Variants in TLE4 observed in about 807,000 individuals in gnomAD.
TLE4 encodes the protein TLE family member 4, transcriptional corepressor.
A neutral mutation model predicts 92.8 loss-of-function variants in TLE4; 8 were observed. The observed-to-expected ratio is 0.09, with a 90% CI of 0.05 to 0.16. The LOEUF is 0.16. Among genes scored for constraint, TLE4 ranks in the 10% least tolerant of loss-of-function variants. The pLI, the probability that TLE4 is intolerant of heterozygous loss-of-function variation, is 1.00. For missense variants in TLE4, 675 were observed against 997.6 expected (o/e 0.68, Z 4.36); for synonymous variants, 371 against 374.1 (o/e 0.99, Z 0.10).
rs184667141 is a variant in TLE4, at chr9:79,706,646, A to T, written c.784-101A>T. ...CTGTTCTAGCACATTTGTGCTTCTA[A>T]GCATGCATTAAATGCTTTTGGCTAG... On this transcript the variant is annotated intron_variant, in intron 10 of 19. Transcript: ENST00000376552. 1,190 of 1,416,730 alleles carry T rather than the reference A, an allele frequency of 8.4e-4. 12 individuals carry two copies. The African/African-American group carries it at 0.016, about 18-fold the overall frequency. The allele number at this position is 1,416,730 out of a possible 1,614,324, so 87.8% of individuals were successfully genotyped here. A position where few individuals can be genotyped will look rare whatever the true frequency, so the allele number is the denominator to read the frequency against.
chr9:79,708,974 A>G (rs988227070), intron 13 of TLE4, among the ~76,000 whole-genome samples, 188 bp downstream of exon 13: 1 of 152,120 alleles, frequency 6.6e-6, no homozygotes, highest in Non-Finnish European at 1.5e-5. Flanking sequence ...TCGAAAAAAC[A>G]GCATGCGCCA....
chr9:79,680,669 T>C (rs1221920007), intron 8 of TLE4, among the ~76,000 whole-genome samples: 1 of 152,182 alleles, frequency 6.6e-6, no homozygotes, highest in African/African-American at 2.4e-5. Flanking sequence ...CTATGTTGAC[T>C]AGGAGTGGTG....
rs2072696343 is a variant in TLE4 at position 79,709,609 on chromosome 9, G to C, written c.1264-14G>C. 1 of 1,612,718 alleles carries C rather than the reference G, an allele frequency of 6.2e-7. No homozygotes were observed. The highest frequency in any genetic ancestry group is 8.5e-7 in the Non-Finnish European group (1 of 1,179,324). On this transcript the variant is annotated splice_polypyrimidine_tract_variant and intron_variant, in intron 13 of 19. Coordinates refer to ENST00000376552, the MANE Select transcript of TLE4 (RefSeq NM_007005.6). ...CTGTGCTTATTTCTGTTGTTTGCTT[G>C]GGAAAAATTCTAGGTGGGATTTGAT...
At chr9:79,655,339 G>T (rs1447832275) in intron 8 of TLE4, among the ~76,000 whole-genome samples, 1 of 152,122 alleles carries the variant, frequency 6.6e-6, no homozygotes, top group African/African-American at 2.4e-5. Flanking sequence ...GTTATATCTT[G>T]CAGTTTTTAA....
At chr9:79,679,127 G>T (rs2063888007) in intron 8 of TLE4, among the ~76,000 whole-genome samples, 2 of 151,936 alleles carry the variant, frequency 1.3e-5, no homozygotes, top group Non-Finnish European at 2.9e-5. Context: ...AGTCCTTTGG[G>T]TATATACCCA....
At chr9:79,573,122 A>T in intron 1 of TLE4, 1 of 620,600 alleles carries the variant, frequency 1.6e-6, no homozygotes, top group Non-Finnish European at 2.2e-6. Flanking sequence ...CGACTCCTCG[A>T]GGGGGGGTGG....
intron 6 of TLE4, among the ~76,000 whole-genome samples, chr9:79,644,031 A>G (rs993750738): frequency 2.0e-5 from 3 of 152,100 alleles, no homozygotes; most frequent in African/African-American, 7.2e-5. Flanking sequence ...ACTGTGTGAT[A>G]TGGTTTGGCT....
intron 8 of TLE4, among the ~76,000 whole-genome samples, chr9:79,658,819 A>T (rs2060120195): frequency 6.6e-6 from 1 of 152,246 alleles, no homozygotes; most frequent in Admixed American, 6.5e-5. Context: ...AGGTAGATTA[A>T]AAAGGGGAAA....
At chr9:79,681,250 A>C (rs920468989) in intron 8 of TLE4, among the ~76,000 whole-genome samples, 1 of 152,196 alleles carries the variant, frequency 6.6e-6, no homozygotes, top group Non-Finnish European at 1.5e-5. Flanking sequence ...GAAATTATGT[A>C]CTGATGAAGT....
intron 4 of TLE4, among the ~76,000 whole-genome samples, chr9:79,579,634 TTA>T (rs2039048072): frequency 6.6e-6 from 1 of 152,222 alleles, no homozygotes; most frequent in African/African-American, 2.4e-5. Flanking sequence ...TATGTATGTT[TTA>T]TGTGTGTATT....
rs538343343 is a variant in TLE4 at position 79,707,154 on chromosome 9, G to A, written c.936+255G>A. 244 of 1,612,956 alleles carry A rather than the reference G, an allele frequency of 1.5e-4. 3 individuals carry two copies. The South Asian group carries it at 2.2e-3, about 15-fold the overall frequency. ...GATATGGGGAAATTGAGTGAAACAC[G>A]TCTTAGCGAAGATGAACAATGCACA... On this transcript the variant is annotated intron_variant, in intron 11 of 19. Coordinates refer to ENST00000376552, the MANE Select transcript of TLE4 (RefSeq NM_007005.6).
rs2075802514 is a variant in TLE4, at chr9:79,722,467, A to G, written c.2003A>G (p.Tyr668Cys). The change falls in exon 18 of 20, where the codon TAC becomes TGC. Residue 668 changes from tyrosine (Y) to cysteine (C), a missense_variant. This residue lies in a region of TLE4 where 170 missense variants were observed against 359.6 expected (regional missense o/e 0.47). Coordinates refer to ENST00000376552, the MANE Select transcript of TLE4 (RefSeq NM_007005.6). ...DFTSQIFSLG[Y>C]CPTGEWLAVG... is the part of the protein sequence containing the mutation. ...TAATTCTAGATCTTTTCTCTGGGCTACTGCCCAACTGGAGAGTGGCTTGCA... is the reference window on the plus strand; with the variant it reads ...TAATTCTAGATCTTTTCTCTGGGCTGCTGCCCAACTGGAGAGTGGCTTGCA... 1 of 1,614,026 alleles carries G rather than the reference A, an allele frequency of 6.2e-7. No individual in the cohort carries two copies. The highest frequency in any genetic ancestry group is 8.5e-7 in the Non-Finnish European group (1 of 1,180,030).
chr9:79,654,798 G>A (rs957973018), intron 8 of TLE4, among the ~76,000 whole-genome samples: 1 of 152,158 alleles, frequency 6.6e-6, no homozygotes, highest in Non-Finnish European at 1.5e-5. Flanking sequence ...GGCAGGAAAT[G>A]AGTAAGGCAT....
At chr9:79,674,340 AG>A (rs1323128345) in intron 8 of TLE4, among the ~76,000 whole-genome samples, 5 of 152,008 alleles carry the variant, frequency 3.3e-5, no homozygotes, top group Non-Finnish European at 7.4e-5. Flanking sequence ...AGTGAGACTA[AG>A]TAAGTTGCCT....
At chr9:79,618,042 C>G (rs564968834) in intron 5 of TLE4, among the ~76,000 whole-genome samples, 10 of 152,272 alleles carry the variant, frequency 6.6e-5, no homozygotes, top group Admixed American at 3.3e-4. Flanking sequence ...TAAGGTTGCC[C>G]TCTTTGCAGT....
chr9:79,667,088 A>G (rs2061519511), intron 8 of TLE4, among the ~76,000 whole-genome samples: 1 of 152,220 alleles, frequency 6.6e-6, no homozygotes, highest in Admixed American at 6.5e-5. Context: ...GAACCCCTAC[A>G]GCTGCGCCCA....
chr9:79,574,984 C>A, intron 3 of TLE4, 48 bp downstream of exon 3: 1 of 1,528,732 alleles, frequency 6.5e-7, no homozygotes, highest in Non-Finnish European at 9.1e-7. Flanking sequence ...GTTTGGAATA[C>A]CAAAAACAAG....
chr9:79,612,038 G>T (rs2048492994), intron 4 of TLE4, among the ~76,000 whole-genome samples: 1 of 151,208 alleles, frequency 6.6e-6, no homozygotes, highest in African/African-American at 2.4e-5. Context: ...CTCAACCTCT[G>T]CACACTGAAA....
intron 6 of TLE4, among the ~76,000 whole-genome samples, chr9:79,633,947 T>C (rs2055024670): frequency 6.6e-6 from 1 of 152,168 alleles, no homozygotes; most frequent in African/African-American, 2.4e-5. Context: ...TTAAGGACTT[T>C]TGTTGCCTGT....
Sources: allele counts gnomAD v4.1 joint callset (sites outside exome capture counted in the v4.1 genomes callset), GRCh38; gene constraint gnomAD v4.1.1; regional missense constraint gnomAD v4.1.1; transcripts MANE v1.5; gene names NCBI Gene and HGNC (gene_info 2026-07-23, HGNC 2026-07-21).